EPHA4: variants seen among roughly 807,000 people sequenced by gnomAD.
The protein encoded by EPHA4 is EPH receptor A4, also known as ephrin type-A receptor 4.
Under a neutral mutation model 108.3 loss-of-function variants are expected in EPHA4, and 19 were observed. The ratio of observed to expected loss-of-function variants is 0.18; its 90% CI spans 0.12 to 0.26. EPHA4 has a LOEUF of 0.26. Among genes scored for constraint, EPHA4 ranks in the 10% least tolerant of loss-of-function variants. The pLI, the probability that EPHA4 is intolerant of heterozygous loss-of-function variation, is 1.00. For synonymous variants in EPHA4, 449 were observed against 455.5 expected, an observed-to-expected ratio of 0.99 and a Z score of 0.18; for missense variants, 917 against 1,254.0, an observed-to-expected ratio of 0.73 and a Z score of 4.06.
intron 8 of EPHA4, among the ~76,000 whole-genome samples, chr2:221,447,481 C>T (rs1019165527): frequency 6.6e-6 from 1 of 152,148 alleles, no homozygotes; most frequent in Admixed American, 6.5e-5. Context: ...AGAGAGGCAG[C>T]GGATCCCGGT....
chr2:221,497,025 G>A (rs1268273060), intron 4 of EPHA4, among the ~76,000 whole-genome samples: 2 of 151,086 alleles, frequency 1.3e-5, no homozygotes, highest in Non-Finnish European at 2.9e-5. Context: ...CAGAAATCCT[G>A]GGGTACAGGG....
intron 5 of EPHA4, among the ~76,000 whole-genome samples, chr2:221,473,697 A>G (rs1387625017): frequency 1.3e-5 from 2 of 152,100 alleles, no homozygotes; most frequent in Non-Finnish European, 2.9e-5. Flanking sequence ...GGGAGACAGT[A>G]ATTAATTGAG....
intron 3 of EPHA4, among the ~76,000 whole-genome samples, chr2:221,532,375 A>G (rs2710500): frequency 0.73 from 110,372 of 152,102 alleles, 40,826 homozygotes; most frequent in African/African-American, 0.87. Flanking sequence ...TGACTGCCTT[A>G]GCCTCCCAAA....
At chr2:221,458,721 T>G (rs1452903451) in intron 5 of EPHA4, among the ~76,000 whole-genome samples, 3 of 152,150 alleles carry the variant, frequency 2.0e-5, no homozygotes, top group African/African-American at 7.2e-5. Context: ...GAGGGCACAC[T>G]TTAGATTTAT....
chr2:221,546,870 A>C (rs1020204433), intron 3 of EPHA4, among the ~76,000 whole-genome samples: 16 of 152,226 alleles, frequency 1.1e-4, no homozygotes, highest in Non-Finnish European at 5.9e-5. Context: ...TGTTAAAATA[A>C]TGCTGCCTCC....
At chr2:221,493,708 T>C (rs1011432012) in intron 4 of EPHA4, among the ~76,000 whole-genome samples, 3 of 152,174 alleles carry the variant, frequency 2.0e-5, no homozygotes, top group African/African-American at 7.2e-5. Context: ...CAATACACTT[T>C]CTGGGAGGAA....
intron 15 of EPHA4, among the ~76,000 whole-genome samples, chr2:221,427,186 T>G (rs1246342601): frequency 2.0e-5 from 3 of 152,184 alleles, no homozygotes; most frequent in Admixed American, 6.6e-5. Context: ...AATCCCCTCT[T>G]TAATCAATCC....
intron 4 of EPHA4, among the ~76,000 whole-genome samples, chr2:221,483,917 A>C (rs1057238901): frequency 5.9e-5 from 9 of 152,174 alleles, no homozygotes; most frequent in Non-Finnish European, 1.2e-4. Context: ...AAGGCTTAAA[A>C]GGTAGCTGCC....
rs1690236059 is a variant in EPHA4 at position 221,436,321 on chromosome 2, A to G, written c.2346+78T>C. The G allele has an allele frequency of 8.7e-6, 12 of 1,375,090 alleles. No individual in the cohort carries two copies. In the South Asian group the frequency reaches 1.4e-4, roughly 16 times the overall value. 85.2% of individuals were successfully genotyped at this position (1,375,090 alleles called of 1,614,324 possible). ...AAACTTAAAAAATAAAAAAATTACAAAGGGCTTCAATCTCAAAGTGAGAAG... is the reference window on the plus strand; with the variant it reads ...AAACTTAAAAAATAAAAAAATTACAGAGGGCTTCAATCTCAAAGTGAGAAG... On this transcript the variant is annotated intron_variant, in intron 13 of 17. Coordinates refer to ENST00000281821, the MANE Select transcript of EPHA4 (RefSeq NM_004438.5).
chr2:221,469,867 T>C (rs937776963), intron 5 of EPHA4, among the ~76,000 whole-genome samples: 8 of 152,194 alleles, frequency 5.3e-5, no homozygotes, highest in African/African-American at 1.9e-4. Context: ...TCAGATATAC[T>C]GTTGGAATGG....
intron 5 of EPHA4, among the ~76,000 whole-genome samples, chr2:221,478,508 G>A (rs1284926317): frequency 6.6e-6 from 1 of 152,180 alleles, no homozygotes; most frequent in Admixed American, 6.5e-5. Context: ...GGCCTGTAAT[G>A]TAGAAAAGTA....
chr2:221,538,854 T>G (rs1027981021), intron 3 of EPHA4, among the ~76,000 whole-genome samples: 1 of 152,254 alleles, frequency 6.6e-6, no homozygotes, highest in African/African-American at 2.4e-5. Context: ...TTACATTTGT[T>G]TCTTCGTTCA....
intron 4 of EPHA4, among the ~76,000 whole-genome samples, chr2:221,488,071 CCT>C (rs1321721947): frequency 6.6e-6 from 1 of 152,026 alleles, no homozygotes; most frequent in East Asian, 1.9e-4. Context: ...CCATCTGCTC[CCT>C]GCAGCAACTA....
chr2:221,482,186 C>T (rs1691839829), intron 5 of EPHA4, among the ~76,000 whole-genome samples, 166 bp downstream of exon 5: 1 of 152,220 alleles, frequency 6.6e-6, no homozygotes, highest in Admixed American at 6.5e-5. Context: ...GCTGGGATTA[C>T]ACGTGTAAGC....
intron 5 of EPHA4, among the ~76,000 whole-genome samples, chr2:221,464,718 C>T (rs1370402219): frequency 6.6e-6 from 1 of 152,124 alleles, no homozygotes; most frequent in Admixed American, 6.5e-5. Flanking sequence ...TCATTAAAAT[C>T]CCCAACCACC....
chr2:221,485,804 T>C (rs1204881315), intron 4 of EPHA4, among the ~76,000 whole-genome samples: 2 of 152,042 alleles, frequency 1.3e-5, no homozygotes, highest in Non-Finnish European at 2.9e-5. Flanking sequence ...TCTCAAGACA[T>C]TGAGAAACAA....
chr2:221,450,940 G>A (rs745498822), intron 8 of EPHA4, among the ~76,000 whole-genome samples: 3 of 152,208 alleles, frequency 2.0e-5, no homozygotes, highest in Non-Finnish European at 4.4e-5. Flanking sequence ...GGGGCCGGGT[G>A]TGGTAGCTCA....
chr2:221,433,493 T>C (rs925211857), intron 14 of EPHA4, among the ~76,000 whole-genome samples: 1 of 152,192 alleles, frequency 6.6e-6, no homozygotes, highest in African/African-American at 2.4e-5. Flanking sequence ...GATCAATGCT[T>C]TCTTTTATTT....
At chr2:221,528,869 G>A (rs953695287) in intron 3 of EPHA4, among the ~76,000 whole-genome samples, 1 of 152,054 alleles carries the variant, frequency 6.6e-6, no homozygotes, top group Non-Finnish European at 1.5e-5. Flanking sequence ...CACAACTAAA[G>A]GCATGCTCTT....
Sources: allele counts gnomAD v4.1 joint callset (sites outside exome capture counted in the v4.1 genomes callset), GRCh38; gene constraint gnomAD v4.1.1; transcripts MANE v1.5; gene names NCBI Gene and HGNC (gene_info 2026-07-23, HGNC 2026-07-21).